Variants in KLRD1 observed in about 807,000 individuals in gnomAD.
KLRD1 encodes natural killer cells antigen CD94.
In KLRD1, 21 loss-of-function variants were observed where a neutral mutation model predicts 22.6. The observed-to-expected ratio is 0.93, with a 90% CI of 0.66 to 1.34. The LOEUF (loss-of-function observed/expected upper bound fraction) is 1.34, where lower values mean the gene tolerates loss of function less well. Ranked by LOEUF, KLRD1 falls within the 40% of genes most tolerant of loss-of-function variation. KLRD1 has a pLI of 0.00. For missense variants in KLRD1, 183 were observed against 208.6 expected (o/e 0.88, Z 0.76); for synonymous variants, 59 against 71.1 (o/e 0.83, Z 0.85).
chr12:10,306,215 T>A (rs1949924983), upstream of KLRD1, among the ~76,000 whole-genome samples: 1 of 151,746 alleles, frequency 6.6e-6, no homozygotes, highest in South Asian at 2.1e-4. Flanking sequence ...AGTTGGCAGC[T>A]CAGAAAGAGT....
intron 1 of KLRD1, among the ~76,000 whole-genome samples, chr12:10,293,686 A>G (rs1949797349): frequency 1.3e-5 from 2 of 152,166 alleles, no homozygotes; most frequent in South Asian, 4.1e-4. Flanking sequence ...GGAAGTGAGC[A>G]CATGCTTTAA....
At chr12:10,282,046 T>C (rs772551241) in intron 1 of KLRD1, among the ~76,000 whole-genome samples, 38 of 152,290 alleles carry the variant, frequency 2.5e-4, no homozygotes, top group Non-Finnish European at 2.9e-5. Context: ...TCTTCTAGTT[T>C]TAATCTTCTG....
intron 4 of KLRD1, among the ~76,000 whole-genome samples, chr12:10,312,674 G>C (rs1380592979): frequency 6.7e-6 from 1 of 150,040 alleles, no homozygotes; most frequent in Non-Finnish European, 1.5e-5. Context: ...CACCGTGCCC[G>C]GCCCCTAATT....
chr12:10,276,338 C>T (rs1436697085), intron 1 of KLRD1, among the ~76,000 whole-genome samples: 1 of 151,994 alleles, frequency 6.6e-6, no homozygotes, highest in Non-Finnish European at 1.5e-5. Context: ...GTGACTAGGT[C>T]GGTATATGGG....
intron 1 of KLRD1, among the ~76,000 whole-genome samples, chr12:10,267,732 A>G (rs1223368847): frequency 6.6e-6 from 1 of 152,216 alleles, no homozygotes; most frequent in Non-Finnish European, 1.5e-5. Flanking sequence ...GATCGTGGCT[A>G]AAGTTACAAT....
intron 1 of KLRD1, among the ~76,000 whole-genome samples, chr12:10,294,735 G>C (rs1024681573): frequency 5.9e-5 from 9 of 152,112 alleles, no homozygotes; most frequent in Non-Finnish European, 1.2e-4. Context: ...GACCCACTCT[G>C]ATATCCAAAT....
intron 1 of KLRD1, among the ~76,000 whole-genome samples, chr12:10,258,291 C>T (rs1245127537): frequency 2.0e-5 from 3 of 152,158 alleles, no homozygotes; most frequent in Non-Finnish European, 4.4e-5. Flanking sequence ...GCACCATGCA[C>T]TATCCCTATT....
chr12:10,277,950 T>C (rs552079979), intron 1 of KLRD1, among the ~76,000 whole-genome samples: 3 of 152,324 alleles, frequency 2.0e-5, no homozygotes, highest in Non-Finnish European at 4.4e-5. Flanking sequence ...TTAAAGTCTG[T>C]GCACTATTTG....
At chr12:10,256,197 T>A (rs902168053) in intron 1 of KLRD1, among the ~76,000 whole-genome samples, 1 of 152,006 alleles carries the variant, frequency 6.6e-6, no homozygotes, top group Non-Finnish European at 1.5e-5. Context: ...CTTATATGTG[T>A]TTTCAGGTCT....
intron 1 of KLRD1, among the ~76,000 whole-genome samples, chr12:10,248,887 C>T (rs1949319940): frequency 6.6e-6 from 1 of 151,982 alleles, no homozygotes; most frequent in Admixed American, 6.6e-5. Flanking sequence ...CGTGAGCCAC[C>T]ATGCCTGGCC....
rs142468643 is a variant in KLRD1, at chr12:10,242,443, C to T, written c.-101+16210C>T. 1.1e-4 allele frequency among the ~76,000 whole-genome samples: 16 copies of T among 152,200 alleles called. No individual in the cohort carries two copies. The East Asian group carries it at 2.9e-3, about 28-fold the overall frequency. ...TCTCCTCAAAAATCCAAAGCAGCTA[C>T]CCACTGTACCATCTGGTGGATAGTG... On this transcript the variant is annotated intron_variant, in intron 1 of 5. Transcript: ENST00000544747.
chr12:10,312,804 G>T (rs955491686), intron 4 of KLRD1, among the ~76,000 whole-genome samples: 1 of 150,784 alleles, frequency 6.6e-6, no homozygotes, highest in Non-Finnish European at 1.5e-5. Flanking sequence ...TGGCTAACAC[G>T]GTGAAACCAC....
intron 1 of KLRD1, among the ~76,000 whole-genome samples, chr12:10,298,011 G>A (rs915449476): frequency 6.6e-6 from 1 of 152,118 alleles, no homozygotes; most frequent in Non-Finnish European, 1.5e-5. Flanking sequence ...AATATCATGT[G>A]TCTAATATTG....
chr12:10,291,518 T>C (rs1412305000), intron 1 of KLRD1, among the ~76,000 whole-genome samples: 2 of 151,970 alleles, frequency 1.3e-5, no homozygotes, highest in African/African-American at 4.8e-5. Context: ...TCACCAGGAG[T>C]AGATTCCATC....
intron 1 of KLRD1, among the ~76,000 whole-genome samples, chr12:10,286,696 A>G (rs1319171063): frequency 3.2e-5 from 3 of 93,270 alleles, no homozygotes; most frequent in South Asian, 7.4e-4. Context: ...TTTTATAGAG[A>G]CGGGATCTCA....
rs893687169 is a variant in KLRD1, at chr12:10,323,021, G to C, written c.*8228G>C. The C allele has an allele frequency of 2.0e-5, 3 of 152,198 alleles. No homozygotes were observed. The highest frequency in any genetic ancestry group is 7.2e-5 in the African/African-American group (3 of 41,450). 9.4% of individuals were successfully genotyped at this position (152,198 alleles called of 1,614,324 possible). On this transcript the variant is annotated 3_prime_UTR_variant, in exon 6 of 6. Transcript: ENST00000336164. Reference sequence around the variant, plus strand: ...AGTAGCTCCTCACTTTTATTGTCATGTAGAATTCATAAGAATGTATCACAA... The same window carrying C: ...AGTAGCTCCTCACTTTTATTGTCATCTAGAATTCATAAGAATGTATCACAA...
intron 1 of KLRD1, among the ~76,000 whole-genome samples, chr12:10,286,661 GCTT>G (rs1251170451): frequency 0.1 from 5,069 of 49,110 alleles, 192 homozygotes; most frequent in East Asian, 0.23. Flanking sequence ...CGCTTATGGT[GCTT>G]TTTTTTTTTT....
At chr12:10,271,150 G>C (rs570596474) in intron 1 of KLRD1, among the ~76,000 whole-genome samples, 13 of 150,322 alleles carry the variant, frequency 8.6e-5, no homozygotes, top group Non-Finnish European at 1.6e-4. Flanking sequence ...ACTAGGTTAA[G>C]AACAAAACTC....
chr12:10,250,230 G>A (rs7972782), intron 1 of KLRD1, among the ~76,000 whole-genome samples: 70,726 of 101,788 alleles, frequency 0.69, 23,009 homozygotes, highest in Admixed American at 0.8. Context: ...TTTTTTTTAG[G>A]GGGGCTGTTA....
Sources: allele counts gnomAD v4.1 joint callset (sites outside exome capture counted in the v4.1 genomes callset), GRCh38; gene constraint gnomAD v4.1.1; transcripts MANE v1.5; gene names NCBI Gene and HGNC (gene_info 2026-07-23, HGNC 2026-07-21).